The following CD96 variants were observed in gnomAD, a reference collection of about 807,000 sequenced individuals.
CD96 encodes T-cell surface protein tactile.
In CD96, 70 loss-of-function variants were observed where a neutral mutation model predicts 71.3. The observed-to-expected ratio is 0.98, with a 90% CI of 0.81 to 1.20. CD96 has a LOEUF of 1.20. Ranked by LOEUF, CD96 falls within the 50% of genes most tolerant of loss-of-function variation. CD96 has a pLI of 0.00. For missense variants in CD96, 742 were observed against 677.5 expected (o/e 1.10, Z -1.06); for synonymous variants, 248 against 233.0 (o/e 1.06, Z -0.59).
At chr3:111,546,343 T>C (rs994125190) in intron 2 of CD96, among the ~76,000 whole-genome samples, 7 of 152,120 alleles carry the variant, frequency 4.6e-5, no homozygotes, top group Admixed American at 1.3e-4. Context: ...GGGTATACAA[T>C]ATTTAGTCTA....
At position 111,576,216 on chromosome 3, in the gene CD96, T is replaced by A. The variant is rs575064340; in HGVS notation, c.544-2811T>A. ...TAATATTTTTTAAAGTGGACAATTT[T>A]TTTCTTTGAAGAACAGGAAAAGAAA... On this transcript the variant is annotated intron_variant, in intron 3 of 13. Transcript: ENST00000352690. Among the ~76,000 whole-genome samples, 13 of 152,308 alleles carry A rather than the reference T, an allele frequency of 8.5e-5. No homozygotes were observed. The East Asian group carries it at 2.5e-3, about 29-fold the overall frequency.
chr3:111,599,578 G>C (rs1401348304), intron 6 of CD96, among the ~76,000 whole-genome samples: 3 of 152,080 alleles, frequency 2.0e-5, no homozygotes, highest in Non-Finnish European at 4.4e-5. Context: ...AAAAATAGCT[G>C]GGTGTGATGG....
chr3:111,551,129 G>C (rs973871148), intron 2 of CD96, among the ~76,000 whole-genome samples: 4 of 152,172 alleles, frequency 2.6e-5, no homozygotes, highest in Admixed American at 2.6e-4. Context: ...AATGAGGTTG[G>C]AGAACAGTTG....
chr3:111,653,890 G>A (rs2107803796), downstream of CD96, among the ~76,000 whole-genome samples: 1 of 152,008 alleles, frequency 6.6e-6, no homozygotes, highest in Middle Eastern at 3.4e-3. Flanking sequence ...AATTAACCCT[G>A]GGGGATGGGA....
At chr3:111,616,309 TA>T (rs1559758627) in intron 8 of CD96, among the ~76,000 whole-genome samples, 1 of 152,072 alleles carries the variant, frequency 6.6e-6, no homozygotes, top group Non-Finnish European at 1.5e-5. Flanking sequence ...TTTTTAAGTA[TA>T]AAAAAGAAGA....
At chr3:111,552,329 A>G (rs1345387906) in intron 2 of CD96, among the ~76,000 whole-genome samples, 3 of 151,994 alleles carry the variant, frequency 2.0e-5, no homozygotes, top group African/African-American at 7.3e-5. Flanking sequence ...GGGGAGCAGC[A>G]TTCCTCCCTC....
chr3:111,613,277 G>T (rs187442818), intron 8 of CD96, among the ~76,000 whole-genome samples: 1 of 152,126 alleles, frequency 6.6e-6, no homozygotes, highest in Non-Finnish European at 1.5e-5. Context: ...CACATGATGC[G>T]TGATGAGCTC....
rs1425297572 is a variant in CD96 at position 111,650,280 on chromosome 3, A to G, written c.*474A>G. 5.5e-6 allele frequency: 1 copy of G among 183,462 alleles called. No individual in the cohort carries two copies. Among genetic ancestry groups the G allele is most frequent in the African/African-American group, 2.3e-5 (1 of 42,612 alleles). The allele number at this position is 183,462 out of a possible 1,614,324, so 11.4% of individuals were successfully genotyped here. ...TGTAAAAGTGCTAACAAGGCTGCCA[A>G]GTAATGGAGAAGTATGGTTAGTCTT... On this transcript the variant is annotated 3_prime_UTR_variant, in exon 14 of 14. Coordinates refer to ENST00000352690, the MANE Select transcript of CD96 (RefSeq NM_005816.5).
intron 2 of CD96, among the ~76,000 whole-genome samples, chr3:111,560,390 T>G (rs1447664794): frequency 6.6e-6 from 1 of 151,172 alleles, no homozygotes; most frequent in Non-Finnish European, 1.5e-5. Flanking sequence ...AGGAGCTCTT[T>G]TAGGGCAGGC....
intron 10 of CD96, among the ~76,000 whole-genome samples, chr3:111,627,263 T>C (rs1441756760): frequency 2.0e-5 from 3 of 151,130 alleles, no homozygotes; most frequent in East Asian, 3.9e-4. Flanking sequence ...GTGGGAGGGG[T>C]GGGCCATCAC....
rs920897963 is a variant in CD96 at position 111,545,322 on chromosome 3, G to A, written c.338G>A (p.Ser113Asn). ...TTAAGGAATATGTCTTGTTCAGTCA[G>A]TGGAAGGTACGAGTGTATGCTTGTT... ...LHLRNMSCSV[S>N]GRYECMLVLY... is the part of the protein sequence containing the mutation. The change falls in exon 2 of 14, where the codon AGT becomes AAT. Residue 113 changes from serine (S) to asparagine (N), a missense_variant. Physicochemically the swap from Ser to Asn is conservative, Grantham distance 46. Coordinates refer to ENST00000352690, the MANE Select transcript of CD96 (RefSeq NM_005816.5). The A allele has an allele frequency of 1.7e-5, 28 of 1,614,010 alleles. No homozygotes were observed. The highest frequency in any genetic ancestry group is 2.4e-5 in the Non-Finnish European group (28 of 1,179,966).
Position 111,650,711 on chromosome 3 carries a change from A to G in CD96, c.*905A>G, listed in dbSNP as rs1295803260. On this transcript the variant is annotated 3_prime_UTR_variant, in exon 14 of 14. Transcript: ENST00000352690. ...TTTTGAAAAAGATAAAGAGCCTCAAATCAGACCAGCACTGATTAATTAACC... is the reference window on the plus strand; with the variant it reads ...TTTTGAAAAAGATAAAGAGCCTCAAGTCAGACCAGCACTGATTAATTAACC... 1.3e-5 allele frequency: 2 copies of G among 152,232 alleles called. No homozygotes were observed. The highest frequency in any genetic ancestry group is 2.9e-5 in the Non-Finnish European group (2 of 68,064). The allele number at this position is 152,232 out of a possible 1,614,324, so 9.4% of individuals were successfully genotyped here. A position where few individuals can be genotyped will look rare whatever the true frequency, so the allele number is the denominator to read the frequency against.
chr3:111,631,946 C>G (rs1347391273), intron 10 of CD96, among the ~76,000 whole-genome samples: 1 of 152,082 alleles, frequency 6.6e-6, no homozygotes, highest in Non-Finnish European at 1.5e-5. Context: ...TTAAACTGGA[C>G]CCCTTCCTTA....
rs192506694 is a variant in CD96 at position 111,543,757 on chromosome 3, T to C, written c.62-1289T>C. Among the ~76,000 whole-genome samples the C allele has an allele frequency of 3.2e-3, 480 of 152,282 alleles. 4 individuals carry two copies. The highest frequency in any genetic ancestry group is 0.011 in the African/African-American group (465 of 41,550). The stretch of plus-strand genomic sequence containing the variant: ...TTGCCTGCCCCCAGACCCCCACATA[T>C]TTCTGTAACTCCTGTTTTACCTTAC... On this transcript the variant is annotated intron_variant, in intron 1 of 13. Coordinates refer to ENST00000352690, the MANE Select transcript of CD96 (RefSeq NM_005816.5).
chr3:111,659,389 T>G (rs939418288), intron 14 of CD96, among the ~76,000 whole-genome samples: 1 of 152,146 alleles, frequency 6.6e-6, no homozygotes, highest in Non-Finnish European at 1.5e-5. Context: ...TTTTAATTAT[T>G]TTTTTACTTC....
chr3:111,589,651 C>A (rs954891854), intron 5 of CD96, among the ~76,000 whole-genome samples: 3 of 152,160 alleles, frequency 2.0e-5, no homozygotes, highest in African/African-American at 7.2e-5. Flanking sequence ...GTGCTGCTCC[C>A]AGTGAGCCTC....
chr3:111,637,279 A>T lies in CD96; in HGVS notation c.1387+18A>T, dbSNP rs1026864552. On this transcript the variant is annotated intron_variant, in intron 11 of 13. Transcript: ENST00000352690. ...ACTTCATGGTGAGTACTTGGGGAAG[A>T]TTTAGGGACACTGAAGCTAGTGGTC... 3 of 1,374,158 alleles carry T rather than the reference A, an allele frequency of 2.2e-6. No individual in the cohort carries two copies. The highest frequency in any genetic ancestry group is 2.9e-5 in the African/African-American group (2 of 70,160). 85.1% of individuals were successfully genotyped at this position (1,374,158 alleles called of 1,614,324 possible).
At chr3:111,593,672 C>G in intron 5 of CD96, 2 of 1,611,976 alleles carry the variant, frequency 1.2e-6, no homozygotes, top group Non-Finnish European at 1.7e-6. Flanking sequence ...GGCTCGCTCC[C>G]TTTTTTCCAC....
Position 111,606,771 on chromosome 3 carries a change from G to C in CD96, c.1159G>C (p.Ala387Pro). ...TACCCTTGACACCCAACCTTCTCCA[G>C]CCAGCAGTGTATCTCCTGCAAGTAA... ...ESTLDTQPSP[A>P]SSVSPARYPA... is the part of the protein sequence containing the mutation. Residue 387 changes from alanine to proline, a missense_variant, in exon 8 of 14, where the codon GCC becomes CCC. Physicochemically the swap from Ala to Pro is conservative, Grantham distance 27. Coordinates refer to ENST00000352690, the MANE Select transcript of CD96 (RefSeq NM_005816.5). 1.3e-6 allele frequency: 2 copies of C among 1,593,838 alleles called. No homozygotes were observed. The highest frequency in any genetic ancestry group is 1.7e-6 in the Non-Finnish European group (2 of 1,161,594).
Sources: allele counts gnomAD v4.1 joint callset (sites outside exome capture counted in the v4.1 genomes callset), GRCh38; gene constraint gnomAD v4.1.1; transcripts MANE v1.5; gene names NCBI Gene and HGNC (gene_info 2026-07-23, HGNC 2026-07-21).